MAP6D1: variants seen among roughly 807,000 people sequenced by gnomAD.
The protein encoded by MAP6D1 is MAP6 domain containing 1, also known as MAP6 domain-containing protein 1.
Under a neutral mutation model 17.4 loss-of-function variants are expected in MAP6D1, and 13 were observed. That is an observed-to-expected ratio of 0.75 (90% CI 0.49 to 1.19). MAP6D1 has a LOEUF of 1.19. Among genes scored for constraint, MAP6D1 ranks in the 50% most tolerant of loss-of-function variants. The pLI is 0.00. For synonymous variants in MAP6D1, 141 were observed against 145.7 expected, an observed-to-expected ratio of 0.97 and a Z score of 0.23; for missense variants, 313 against 312.6, an observed-to-expected ratio of 1.00 and a Z score of -0.01.
intron 1 of MAP6D1, among the ~76,000 whole-genome samples, chr3:183,824,791 C>T (rs1187698754): frequency 6.6e-6 from 1 of 152,236 alleles, no homozygotes; most frequent in Admixed American, 6.5e-5. Context: ...GGCCTGCGCG[C>T]ACCCCTCGCA....
chr3:183,817,783 GA>G (rs1311608229), intron 2 of MAP6D1, among the ~76,000 whole-genome samples: 2 of 152,192 alleles, frequency 1.3e-5, no homozygotes, highest in East Asian at 1.9e-4. Flanking sequence ...AGGAGGCAGA[GA>G]GACCCTGCTC....
At chr3:183,818,634 G>A (rs1727175954) in intron 1 of MAP6D1, among the ~76,000 whole-genome samples, 1 of 152,236 alleles carries the variant, frequency 6.6e-6, no homozygotes, top group Admixed American at 6.5e-5. Flanking sequence ...ACCGGGCACA[G>A]CCCTGGCTTG....
rs1727359652 is a variant in MAP6D1 at position 183,825,259 on chromosome 3, T to TGCGG, written c.285_288dup (p.Arg97ProfsTer89). The TGCGG allele has an allele frequency of 7.4e-7, 1 of 1,349,462 alleles. No homozygotes were observed. The highest frequency in any genetic ancestry group is 9.5e-7 in the Non-Finnish European group (1 of 1,052,578). The allele number at this position is 1,349,462 out of a possible 1,614,324, so 83.6% of individuals were successfully genotyped here. A position where few individuals can be genotyped will look rare whatever the true frequency, so the allele number is the denominator to read the frequency against. On this transcript the variant is annotated frameshift_variant, in exon 1 of 3. Coordinates refer to ENST00000318631, the MANE Select transcript of MAP6D1 (RefSeq NM_024871.4). LOFTEE classifies it high-confidence loss of function. ...GAGGACTGCGCGGAGGATTTGCCCC[T>TGCGG]GCGGCCGCCCGCCCCCGGTCCGCGC...
chr3:183,819,462 T>C (rs1577250590), intron 1 of MAP6D1, among the ~76,000 whole-genome samples: 1 of 151,802 alleles, frequency 6.6e-6, no homozygotes, highest in Non-Finnish European at 1.5e-5. Flanking sequence ...GCTGCAGGGG[T>C]CTCAGAGCAG....
At chr3:183,824,364 C>A (rs1202237167) in intron 1 of MAP6D1, among the ~76,000 whole-genome samples, 1 of 152,168 alleles carries the variant, frequency 6.6e-6, no homozygotes, top group African/African-American at 2.4e-5. Context: ...TATTAAAATT[C>A]ATGTTGCAGA....
intron 1 of MAP6D1, among the ~76,000 whole-genome samples, chr3:183,819,632 T>C (rs959395602): frequency 6.6e-6 from 1 of 152,136 alleles, no homozygotes; most frequent in African/African-American, 2.4e-5. Flanking sequence ...AGGCCAAGAT[T>C]AGTAAGAAAT....
Position 183,817,209 on chromosome 3 carries a change from C to T in MAP6D1, c.*147G>A, listed in dbSNP as rs1727133443. The T allele has an allele frequency of 1.4e-6, 1 of 739,716 alleles. No homozygotes were observed. The highest frequency in any genetic ancestry group is 1.6e-5 in the South Asian group (1 of 60,916). 45.8% of individuals were successfully genotyped at this position (739,716 alleles called of 1,614,324 possible). On this transcript the variant is annotated 3_prime_UTR_variant, in exon 3 of 3. Coordinates refer to ENST00000318631, the MANE Select transcript of MAP6D1 (RefSeq NM_024871.4). The stretch of plus-strand genomic sequence containing the variant: ...CATCGGTGCATCTGCTCCACACCAG[C>T]ACTTTGGCCCTGGTGACAGCTTTGA...
chr3:183,818,670 AAAAT>A (rs1348565497), intron 1 of MAP6D1, among the ~76,000 whole-genome samples: 1 of 152,256 alleles, frequency 6.6e-6, no homozygotes, highest in Non-Finnish European at 1.5e-5. Context: ...ACTGAAAAGA[AAAAT>A]AAGGCTCAGA....
intron 1 of MAP6D1, among the ~76,000 whole-genome samples, chr3:183,822,910 T>C (rs1345286211): frequency 6.6e-6 from 1 of 152,202 alleles, no homozygotes; most frequent in East Asian, 1.9e-4. Flanking sequence ...AGGAAGCGCT[T>C]TCTGTCAGTT....
At chr3:183,818,161 T>C (rs1727164065) in intron 1 of MAP6D1, 50 bp from the exon 2 acceptor site, 2 of 1,488,890 alleles carry the variant, frequency 1.3e-6, no homozygotes, top group African/African-American at 1.4e-5. Flanking sequence ...GCCACCCCTT[T>C]ACCGACTCCC....
At chr3:183,819,291 G>A (rs975291538) in intron 1 of MAP6D1, among the ~76,000 whole-genome samples, 70 of 152,386 alleles carry the variant, frequency 4.6e-4, no homozygotes, top group Middle Eastern at 6.8e-3. Flanking sequence ...TTTCACTCCC[G>A]AAGCCGCGAG....
intron 1 of MAP6D1, among the ~76,000 whole-genome samples, chr3:183,818,618 C>G (rs1727175539): frequency 1.3e-5 from 2 of 152,242 alleles, no homozygotes; most frequent in African/African-American, 4.8e-5. Flanking sequence ...AGGAAATGCC[C>G]TCAGCACCGG....
intron 1 of MAP6D1, 130 bp downstream of exon 1, chr3:183,825,017 C>CTCCGAGGTCGCGTGGGA (rs1727348277): frequency 9.6e-7 from 1 of 1,038,786 alleles, no homozygotes; most frequent in African/African-American, 1.7e-5. Flanking sequence ...CCGCCGGCAG[C>CTCCGAGGTCGCGTGGGA]TCCGAGGTCG....
chr3:183,817,067 C>T lies in MAP6D1; in HGVS notation c.*289G>A, dbSNP rs1201979964. ...AATTCGGTTCCCAACTGACTTGATC[C>T]TCAGGCTCCTCAGAGATTTCAAAAC... is the stretch of plus-strand genomic sequence containing the variant. On this transcript the variant is annotated 3_prime_UTR_variant, in exon 3 of 3. Transcript: ENST00000318631. The T allele has an allele frequency of 5.1e-5, 22 of 430,302 alleles. No individual in the cohort carries two copies. 26.7% of individuals were successfully genotyped at this position (430,302 alleles called of 1,614,324 possible). A position where few individuals can be genotyped will look rare whatever the true frequency, so the allele number is the denominator to read the frequency against.
chr3:183,825,308 G>C lies in MAP6D1; in HGVS notation c.240C>G (p.Ala80=). 7.4e-7 allele frequency: 1 copy of C among 1,344,344 alleles called. No individual in the cohort carries two copies. The highest frequency in any genetic ancestry group is 9.5e-7 in the Non-Finnish European group (1 of 1,049,776). 83.3% of individuals were successfully genotyped at this position (1,344,344 alleles called of 1,614,324 possible). A position where few individuals can be genotyped will look rare whatever the true frequency, so the allele number is the denominator to read the frequency against. ...QRDFGLWTTP[A]GPKDPPPGRG... ...GCCCCGGCGGCGGATCCTTGGGCCC[G>C]GCGGGCGTGGTCCACAAGCCGAAGT... The change falls in exon 1 of 3, where the codon GCC becomes GCG. Residue 80 remains alanine (A), a synonymous_variant. Transcript: ENST00000318631.
chr3:183,818,790 C>T (rs189966989), intron 1 of MAP6D1, among the ~76,000 whole-genome samples: 18 of 152,290 alleles, frequency 1.2e-4, no homozygotes, highest in Admixed American at 4.6e-4. Flanking sequence ...CAGCTCTGTG[C>T]ATGGTGGAGG....
intron 1 of MAP6D1, among the ~76,000 whole-genome samples, chr3:183,820,872 A>C (rs914790354): frequency 6.6e-6 from 1 of 151,850 alleles, no homozygotes; most frequent in Non-Finnish European, 1.5e-5. Context: ...GCGCCACTGC[A>C]CTCCAGCTTG....
chr3:183,825,530 G>C lies in MAP6D1; in HGVS notation c.18C>G (p.Ile6Met). 7.3e-7 allele frequency: 1 copy of C among 1,361,136 alleles called. No homozygotes were observed. Among genetic ancestry groups the C allele is most frequent in the Non-Finnish European group, 9.5e-7 (1 of 1,057,054 alleles). 84.3% of individuals were successfully genotyped at this position (1,361,136 alleles called of 1,614,324 possible). The change falls in exon 1 of 3, where the codon ATC (isoleucine) becomes ATG (methionine). Residue 6 changes from isoleucine to methionine, a missense_variant. Transcript: ENST00000318631. MAWPC[I>M]SRLCCLARRW... ...GCCGCGCCAGGCAGCACAGGCGGCT[G>C]ATACAGGGCCACGCCATGCCAGCCC... is the stretch of plus-strand genomic sequence containing the variant.
chr3:183,825,340 G>C lies in MAP6D1; in HGVS notation c.208C>G (p.Gln70Glu), dbSNP rs1042397257. The C allele has an allele frequency of 7.0e-7, 1 of 1,430,606 alleles. No individual in the cohort carries two copies. Among genetic ancestry groups the C allele is most frequent in the African/African-American group, 1.5e-5 (1 of 66,898 alleles). The allele number at this position is 1,430,606 out of a possible 1,614,324, so 88.6% of individuals were successfully genotyped here. A position where few individuals can be genotyped will look rare whatever the true frequency, so the allele number is the denominator to read the frequency against. Residue 70 changes from glutamine to glutamate, a missense_variant, in exon 1 of 3, where the codon CAG becomes GAG. Physicochemically the swap from Gln to Glu is conservative, Grantham distance 29. Transcript: ENST00000318631. ...GTGGTCCACAAGCCGAAGTCCCGCT[G>C]GTACTGAGTGAGCGGCACGTCCCGG... ...SGRDVPLTQYQRDFGLWTTPA... is the reference protein window; with the variant it reads ...SGRDVPLTQYERDFGLWTTPA...
Sources: allele counts gnomAD v4.1 joint callset (sites outside exome capture counted in the v4.1 genomes callset), GRCh38; gene constraint gnomAD v4.1.1; transcripts MANE v1.5; gene names NCBI Gene and HGNC (gene_info 2026-07-23, HGNC 2026-07-21).